CATSPER2: variants seen among roughly 807,000 people sequenced by gnomAD.
The protein encoded by CATSPER2 is cation channel sperm-associated protein 2.
A neutral mutation model predicts 68.8 loss-of-function variants in CATSPER2; 56 were observed. That is an observed-to-expected ratio of 0.81 (90% CI 0.66 to 1.02). CATSPER2 has a LOEUF of 1.02. CATSPER2 is among the 50% of genes least tolerant of loss of function. CATSPER2 has a pLI of 0.00. For missense variants in CATSPER2, 582 were observed against 642.0 expected (o/e 0.91, Z 1.01); for synonymous variants, 198 against 229.9 (o/e 0.86, Z 1.26).
In CATSPER2 at chr15:43,638,990, G is replaced by T. The variant is rs771418615; in HGVS notation, c.756C>A (p.Phe252Leu). 2.5e-6 allele frequency: 4 copies of T among 1,612,814 alleles called. No homozygotes were observed. The African/African-American group carries it at 5.4e-5, about 22-fold the overall frequency. Residue 252 changes from phenylalanine to leucine, a missense_variant, in exon 7 of 13, where the codon TTC becomes TTA. Transcript: ENST00000396879. ...AGACACCAGTCACAGCAAAAATGTA[G>T]AAGAAGATGAGCAGCAACATCAAGA... ...TFLLMLLLIF[F>L]YIFAVTGVYV...
chr15:43,635,719 A>C lies in CATSPER2; in HGVS notation c.1121+8T>G. Reference sequence around the variant, plus strand: ...AGGAAAGTTGGGGTTGAAAAGGGAGAAGCAGACCTCTGGATGATCTGCCGC... The same window carrying C: ...AGGAAAGTTGGGGTTGAAAAGGGAGCAGCAGACCTCTGGATGATCTGCCGC... On this transcript the variant is annotated splice_region_variant and intron_variant, in intron 9 of 12. Coordinates refer to ENST00000396879, the MANE Select transcript of CATSPER2 (RefSeq NM_172095.4). 6.2e-7 allele frequency: 1 copy of C among 1,610,600 alleles called. No individual in the cohort carries two copies. The highest frequency in any genetic ancestry group is 1.1e-5 in the South Asian group (1 of 90,866).
chr15:43,632,389 G>C, intron 11 of CATSPER2, 26 bp from the exon 12 acceptor site: 1 of 1,612,348 alleles, frequency 6.2e-7, no homozygotes, highest in Non-Finnish European at 8.5e-7. Context: ...CTTCAGAAAA[G>C]CACGTCTAGA....
rs1324366553 is a variant in CATSPER2 at position 43,647,557 on chromosome 15, G to A, written c.146-90C>T. 4.2e-5 allele frequency: 52 copies of A among 1,238,204 alleles called. 1 individual carries two copies. Among genetic ancestry groups the A allele is most frequent in the Non-Finnish European group, 5.8e-5 (49 of 841,172 alleles). The allele number at this position is 1,238,204 out of a possible 1,614,324, so 76.7% of individuals were successfully genotyped here. A position where few individuals can be genotyped will look rare whatever the true frequency, so the allele number is the denominator to read the frequency against. On this transcript the variant is annotated intron_variant, in intron 2 of 12. Transcript: ENST00000396879. ...GGCAGGGATACTGGTCAGGTAATGG[G>A]TTCCCCTAATGCCTTACTGCTAGTC...
At chr15:43,644,162 G>C (rs1295151527) in intron 4 of CATSPER2, among the ~76,000 whole-genome samples, 2 of 151,932 alleles carry the variant, frequency 1.3e-5, no homozygotes, top group African/African-American at 2.4e-5. Flanking sequence ...TGTGGAAGCA[G>C]ATTTTTTTAA....
chr15:43,639,984 G>C, intron 5 of CATSPER2, 186 bp from the exon 6 acceptor site: 1 of 1,455,130 alleles, frequency 6.9e-7, no homozygotes, highest in East Asian at 2.5e-5. Context: ...AACTTGTTCA[G>C]ATATAAAAAG....
In CATSPER2 at chr15:43,639,358, C is replaced by T. The variant is rs367578747; in HGVS notation, c.717+285G>A. 15 of 460,958 alleles carry T rather than the reference C, an allele frequency of 3.3e-5. No homozygotes were observed. In the East Asian group the frequency reaches 6.0e-4, roughly 18 times the overall value. 28.6% of individuals were successfully genotyped at this position (460,958 alleles called of 1,614,324 possible). A position where few individuals can be genotyped will look rare whatever the true frequency, so the allele number is the denominator to read the frequency against. On this transcript the variant is annotated intron_variant, in intron 6 of 12. Transcript: ENST00000396879. ...CTCCCGGGTTCAAGTGATTCTTCTG[C>T]CTCAGCCTCCTGAGTAGCTGGGATT...
chr15:43,635,515 G>C, intron 9 of CATSPER2, 99 bp from the exon 10 acceptor site: 1 of 1,341,654 alleles, frequency 7.5e-7, no homozygotes, highest in South Asian at 1.2e-5. Flanking sequence ...AAAACTAATT[G>C]GGGAGAACAA....
chr15:43,645,001 G>T (rs2086137233), intron 4 of CATSPER2, among the ~76,000 whole-genome samples: 1 of 151,872 alleles, frequency 6.6e-6, no homozygotes, highest in Non-Finnish European at 1.5e-5. Context: ...TACTGTAGTG[G>T]GTCTGTGACA....
At chr15:43,646,807 T>G (rs997582359) in intron 4 of CATSPER2, among the ~76,000 whole-genome samples, 1 of 150,152 alleles carries the variant, frequency 6.7e-6, no homozygotes, top group Admixed American at 6.6e-5. Flanking sequence ...CTACGCCTCC[T>G]GGGTTTAAGC....
chr15:43,633,434 G>T (rs1045510998), intron 10 of CATSPER2: 11 of 179,028 alleles, frequency 6.1e-5, no homozygotes, highest in Non-Finnish European at 1.2e-4. Flanking sequence ...TCATTTCCCA[G>T]CACTCTTCCC....
rs2085853394 is a variant in CATSPER2 at position 43,630,492 on chromosome 15, T to C, written c.*209A>G. The C allele has an allele frequency of 1.9e-6, 2 of 1,078,030 alleles. No individual in the cohort carries two copies. The highest frequency in any genetic ancestry group is 5.9e-5 in the East Asian group (2 of 33,988). 66.8% of individuals were successfully genotyped at this position (1,078,030 alleles called of 1,614,324 possible). ...GCCTCAGGCTCCCAAGTAGCTATGA[T>C]TACAAGCATCTGCCACCACACCCAG... On this transcript the variant is annotated 3_prime_UTR_variant, in exon 13 of 13. Coordinates refer to ENST00000396879, the MANE Select transcript of CATSPER2 (RefSeq NM_172095.4).
At chr15:43,647,562 C>T (rs2086193856) in intron 2 of CATSPER2, 95 bp from the exon 3 acceptor site, 1 of 1,154,186 alleles carries the variant, frequency 8.7e-7, no homozygotes, top group Non-Finnish European at 1.3e-6. Flanking sequence ...AATGGGTTCC[C>T]CTAATGCCTT....
chr15:43,635,235 T>G (rs1201686533), intron 10 of CATSPER2, 125 bp downstream of exon 10: 6 of 910,932 alleles, frequency 6.6e-6, no homozygotes, highest in Non-Finnish European at 9.1e-6. Flanking sequence ...GTGCCACTAG[T>G]CAACCTACTA....
chr15:43,640,810 C>T (rs2086058752), intron 4 of CATSPER2, among the ~76,000 whole-genome samples: 2 of 151,894 alleles, frequency 1.3e-5, no homozygotes, highest in Admixed American at 6.6e-5. Context: ...ATTACCCCTA[C>T]CTCCAAACCC....
intron 4 of CATSPER2, among the ~76,000 whole-genome samples, chr15:43,644,752 C>T (rs2086131484): frequency 6.6e-6 from 1 of 151,990 alleles, no homozygotes; most frequent in Non-Finnish European, 1.5e-5. Context: ...CTACCCCATC[C>T]ATGGAAAAAC....
chr15:43,630,463 T>A lies in CATSPER2; in HGVS notation c.*238A>T, dbSNP rs1247494686. 1.3e-6 allele frequency: 1 copy of A among 769,916 alleles called. No homozygotes were observed. Among genetic ancestry groups the A allele is most frequent in the Non-Finnish European group, 2.0e-6 (1 of 505,554 alleles). 47.7% of individuals were successfully genotyped at this position (769,916 alleles called of 1,614,324 possible). A position where few individuals can be genotyped will look rare whatever the true frequency, so the allele number is the denominator to read the frequency against. On this transcript the variant is annotated 3_prime_UTR_variant, in exon 13 of 13. Coordinates refer to ENST00000396879, the MANE Select transcript of CATSPER2 (RefSeq NM_172095.4). The stretch of plus-strand genomic sequence containing the variant: ...TCTGACTCCCAGGTTCAAGTGATTC[T>A]CCTGCCTCAGGCTCCCAAGTAGCTA...
intron 4 of CATSPER2, 59 bp downstream of exon 4, chr15:43,646,991 A>G: frequency 7.0e-7 from 1 of 1,433,198 alleles, no homozygotes; most frequent in Non-Finnish European, 9.8e-7. Flanking sequence ...TGCTAGGATT[A>G]CACGTGTGAG....
At chr15:43,648,379 C>A (rs181845474) in intron 1 of CATSPER2, among the ~76,000 whole-genome samples, 5 of 152,104 alleles carry the variant, frequency 3.3e-5, no homozygotes, top group Admixed American at 2.6e-4. Context: ...GAAAAAGGAG[C>A]AGCCACAAGG....
At chr15:43,647,530 G>A in intron 2 of CATSPER2, 63 bp from the exon 3 acceptor site, 1 of 1,508,058 alleles carries the variant, frequency 6.6e-7, no homozygotes, top group Non-Finnish European at 9.2e-7. Flanking sequence ...GGTAGGGTTG[G>A]GGGCAGGGAT....
Sources: gnomAD v4.1 joint callset for allele counts (sites outside exome capture counted in the v4.1 genomes callset) on GRCh38, gnomAD v4.1.1 for gene constraint, MANE v1.5 for transcripts, NCBI Gene and HGNC (gene_info 2026-07-23, HGNC 2026-07-21) for gene names.